LRRTM4: variants seen among roughly 807,000 people sequenced by gnomAD.
LRRTM4 encodes the protein leucine rich repeat transmembrane neuronal 4.
A neutral mutation model predicts 47.6 loss-of-function variants in LRRTM4; 25 were observed. The observed-to-expected ratio is 0.53, with a 90% CI of 0.38 to 0.73. LRRTM4 has a LOEUF of 0.73. LRRTM4 is among the 30% of genes least tolerant of loss of function. LRRTM4 has a pLI of 0.00. For missense variants in LRRTM4, 638 were observed against 713.4 expected, an observed-to-expected ratio of 0.89 and a Z score of 1.20; for synonymous variants, 311 against 269.5, an observed-to-expected ratio of 1.15 and a Z score of -1.51.
chr2:77,203,661 C>G (rs940674710), intron 3 of LRRTM4, among the ~76,000 whole-genome samples: 2 of 152,074 alleles, frequency 1.3e-5, no homozygotes, highest in South Asian at 2.1e-4. Context: ...AATGATAAAG[C>G]CTTTAAGCTC....
At chr2:76,777,598 C>A (rs1310900219) in intron 3 of LRRTM4, among the ~76,000 whole-genome samples, 1 of 147,094 alleles carries the variant, frequency 6.8e-6, no homozygotes. Flanking sequence ...GTGATTTTTG[C>A]ACATTGATTT....
chr2:77,110,194 G>A (rs1671213264), intron 3 of LRRTM4, among the ~76,000 whole-genome samples: 1 of 152,130 alleles, frequency 6.6e-6, no homozygotes, highest in Admixed American at 6.5e-5. Flanking sequence ...AAAATAATGA[G>A]TGATATTAAA....
intron 3 of LRRTM4, among the ~76,000 whole-genome samples, chr2:76,810,442 T>G (rs1419510208): frequency 6.6e-6 from 1 of 152,188 alleles, no homozygotes; most frequent in Admixed American, 6.5e-5. Context: ...GTTTTATTAT[T>G]TTTGCTCTTA....
intron 3 of LRRTM4, among the ~76,000 whole-genome samples, chr2:77,372,202 T>C (rs997376507): frequency 6.6e-6 from 1 of 151,766 alleles, no homozygotes; most frequent in Non-Finnish European, 1.5e-5. Flanking sequence ...CTGCCATCTG[T>C]CTTAGAGGGA....
chr2:76,938,683 C>T (rs1180680920), intron 3 of LRRTM4, among the ~76,000 whole-genome samples: 1 of 152,030 alleles, frequency 6.6e-6, no homozygotes, highest in Non-Finnish European at 1.5e-5. Flanking sequence ...AATTGTTTTT[C>T]TCAGGAAGAG....
Position 77,206,634 on chromosome 2 carries a change from C to T in LRRTM4, c.1551+311684G>A, listed in dbSNP as rs537968082. Among the ~76,000 whole-genome samples, 282 of 151,990 alleles carry T rather than the reference C, an allele frequency of 1.9e-3. 2 individuals are homozygous for T. The highest frequency in any genetic ancestry group is 6.4e-3 in the African/African-American group (267 of 41,464). ...CGAGTAGCTGGGACTGCAGAGCACG[C>T]GACCATGCCCAGCTAATTTTTGCAT... On this transcript the variant is annotated intron_variant, in intron 3 of 3. Transcript: ENST00000409884.
rs776842422 is a variant in LRRTM4, at chr2:77,035,218, C to G, written c.1552-286302G>C. On this transcript the variant is annotated intron_variant, in intron 3 of 3. Coordinates refer to ENST00000409884, the MANE Select transcript of LRRTM4 (RefSeq NM_001134745.3). ...CTAATGCTATCCCTCCCCTTCCCCCCACCCCGGTGTGTGATGTCCAGATTC... is the reference window on the plus strand; with the variant it reads ...CTAATGCTATCCCTCCCCTTCCCCCGACCCCGGTGTGTGATGTCCAGATTC... Among the ~76,000 whole-genome samples the G allele has an allele frequency of 1.2e-3, 176 of 151,694 alleles. 1 individual carries two copies. The highest frequency in any genetic ancestry group is 2.0e-3 in the Non-Finnish European group (134 of 67,804).
intron 3 of LRRTM4, among the ~76,000 whole-genome samples, chr2:77,232,300 CAG>C (rs1018534089): frequency 1.3e-5 from 2 of 152,162 alleles, no homozygotes; most frequent in African/African-American, 4.8e-5. Context: ...TTTTAAAGAA[CAG>C]AGATTCATTA....
intron 3 of LRRTM4, among the ~76,000 whole-genome samples, chr2:77,455,965 G>C (rs946034153): frequency 6.6e-6 from 1 of 151,950 alleles, no homozygotes; most frequent in Non-Finnish European, 1.5e-5. Flanking sequence ...TTCATTACCT[G>C]TTTCATGACC....
intron 3 of LRRTM4, among the ~76,000 whole-genome samples, chr2:77,240,372 T>C (rs1675223425): frequency 6.6e-6 from 1 of 151,956 alleles, no homozygotes; most frequent in Admixed American, 6.6e-5. Context: ...ACAGAATAAA[T>C]GGATTTTAAG....
At chr2:77,056,650 T>C (rs184481298) in intron 3 of LRRTM4, among the ~76,000 whole-genome samples, 7 of 152,304 alleles carry the variant, frequency 4.6e-5, no homozygotes, top group African/African-American at 1.4e-4. Context: ...TGAATAAATA[T>C]TGAAGGTTTC....
intron 3 of LRRTM4, among the ~76,000 whole-genome samples, chr2:77,462,719 A>G (rs2103975331): frequency 6.6e-6 from 1 of 152,240 alleles, no homozygotes; most frequent in African/African-American, 2.4e-5. Flanking sequence ...AAAGGCTTTT[A>G]AACGGAAACA....
chr2:77,110,839 G>T (rs1489223428), intron 3 of LRRTM4, among the ~76,000 whole-genome samples: 1 of 152,134 alleles, frequency 6.6e-6, no homozygotes, highest in African/African-American at 2.4e-5. Flanking sequence ...ATAGCCTTAA[G>T]ATATTAAGAT....
chr2:77,331,982 TTTAA>T (rs1238565376), intron 3 of LRRTM4, among the ~76,000 whole-genome samples: 1 of 152,138 alleles, frequency 6.6e-6, no homozygotes, highest in Non-Finnish European at 1.5e-5. Context: ...GGAAGTATAA[TTTAA>T]TTAATTAAGA....
chr2:77,281,914 T>A (rs1676516531), intron 3 of LRRTM4, among the ~76,000 whole-genome samples: 1 of 151,682 alleles, frequency 6.6e-6, no homozygotes, highest in Non-Finnish European at 1.5e-5. Flanking sequence ...GTGACAAATG[T>A]AAAAAAAATC....
chr2:77,426,709 C>T (rs1355933732), intron 3 of LRRTM4, among the ~76,000 whole-genome samples: 1 of 151,988 alleles, frequency 6.6e-6, no homozygotes, highest in African/African-American at 2.4e-5. Flanking sequence ...TTAACTTTCA[C>T]TTATTCCTCA....
At chr2:76,974,826 C>G (rs917722862) in intron 3 of LRRTM4, among the ~76,000 whole-genome samples, 1 of 151,558 alleles carries the variant, frequency 6.6e-6, no homozygotes, top group African/African-American at 2.4e-5. Flanking sequence ...TTTGTCTTTT[C>G]AAACCATTTT....
At chr2:77,499,552 A>C (rs1201406459) in intron 3 of LRRTM4, among the ~76,000 whole-genome samples, 1 of 151,862 alleles carries the variant, frequency 6.6e-6, no homozygotes. Context: ...TTAGTTCCTC[A>C]CTCTATCTTT....
intron 3 of LRRTM4, among the ~76,000 whole-genome samples, chr2:77,053,002 G>A (rs1342335956): frequency 2.0e-5 from 3 of 151,950 alleles, no homozygotes; most frequent in Non-Finnish European, 4.4e-5. Context: ...ACTATCAAAT[G>A]AAAAGAAAGG....
Sources: allele counts gnomAD v4.1 joint callset (sites outside exome capture counted in the v4.1 genomes callset), GRCh38; gene constraint gnomAD v4.1.1; transcripts MANE v1.5; gene names NCBI Gene and HGNC (gene_info 2026-07-23, HGNC 2026-07-21).